Variants in ELOVL7 observed in about 807,000 individuals in gnomAD.
The protein encoded by ELOVL7 is very long chain fatty acid elongase 7.
Under a neutral mutation model 35.7 loss-of-function variants are expected in ELOVL7, and 27 were observed. The observed-to-expected ratio is 0.76, with a 90% CI of 0.56 to 1.04. The LOEUF (loss-of-function observed/expected upper bound fraction) is 1.04. ELOVL7 is among the 50% of genes least tolerant of loss of function. The probability of loss-of-function intolerance (pLI) is 0.00; values close to 1 mark genes in which losing one functional copy is unlikely to be tolerated. For missense variants in ELOVL7, 327 were observed against 340.8 expected (o/e 0.96, Z 0.32); for synonymous variants, 113 against 114.6 (o/e 0.99, Z 0.09).
intron 1 of ELOVL7, among the ~76,000 whole-genome samples, chr5:60,830,266 T>C (rs901375665): frequency 3.9e-5 from 6 of 152,214 alleles, no homozygotes; most frequent in Non-Finnish European, 8.8e-5. Flanking sequence ...GTTTACATTC[T>C]TGTGGGAAGA....
chr5:60,754,412 C>A lies in ELOVL7; in HGVS notation c.*212G>T. 1 of 532,292 alleles carries A rather than the reference C, an allele frequency of 1.9e-6. No homozygotes were observed. Among genetic ancestry groups the A allele is most frequent in the Non-Finnish European group, 3.3e-6 (1 of 301,626 alleles). The allele number at this position is 532,292 out of a possible 1,614,324, so 33.0% of individuals were successfully genotyped here. On this transcript the variant is annotated 3_prime_UTR_variant, in exon 9 of 9. Transcript: ENST00000508821. ...GCAGCTAAAAAAACAAAAACAAAAACAAAAACAAATTCTGGCTGCTGTAGG... is the reference window on the plus strand; with the variant it reads ...GCAGCTAAAAAAACAAAAACAAAAAAAAAAACAAATTCTGGCTGCTGTAGG...
intron 1 of ELOVL7, among the ~76,000 whole-genome samples, chr5:60,841,788 A>G (rs926646196): frequency 6.6e-5 from 10 of 152,316 alleles, no homozygotes; most frequent in Admixed American, 5.2e-4. Context: ...TTGTCAAGAT[A>G]AGGATAAATG....
intron 3 of ELOVL7, among the ~76,000 whole-genome samples, chr5:60,773,299 A>G (rs2112185853): frequency 6.6e-6 from 1 of 152,348 alleles, no homozygotes; most frequent in South Asian, 2.1e-4. Flanking sequence ...ACTTTTATCA[A>G]TTGGAAAAGA....
intron 5 of ELOVL7, among the ~76,000 whole-genome samples, 161 bp from the exon 6 acceptor site, chr5:60,766,791 T>C (rs529747415): frequency 3.2e-4 from 49 of 152,334 alleles, no homozygotes; most frequent in Middle Eastern, 3.4e-3. Flanking sequence ...TGTTCAACCA[T>C]TACCACCATC....
intron 8 of ELOVL7, among the ~76,000 whole-genome samples, chr5:60,756,702 G>T (rs1008733800): frequency 7.2e-5 from 11 of 151,990 alleles, no homozygotes; most frequent in African/African-American, 2.4e-4. Flanking sequence ...GAAGTTACAG[G>T]ATTTTAATAA....
chr5:60,843,277 G>A (rs889888909), intron 1 of ELOVL7: 5 of 152,178 alleles, frequency 3.3e-5, no homozygotes, highest in Admixed American at 3.3e-4. Context: ...GTTCCCCAGG[G>A]AGCTCCAAAG....
chr5:60,785,781 A>G (rs1196912960), intron 3 of ELOVL7: 1 of 152,218 alleles, frequency 6.6e-6, no homozygotes, highest in African/African-American at 2.4e-5. Context: ...GTCACTATGT[A>G]TCCCCTACCA....
chr5:60,777,104 TA>T (rs1189963933), intron 3 of ELOVL7, among the ~76,000 whole-genome samples: 3 of 118,104 alleles, frequency 2.5e-5, no homozygotes, highest in Non-Finnish European at 5.0e-5. Context: ...GGAAGGGTAC[TA>T]GGGGGGTTGG....
At chr5:60,821,568 T>C (rs1328809614) in intron 1 of ELOVL7, among the ~76,000 whole-genome samples, 3 of 152,218 alleles carry the variant, frequency 2.0e-5, no homozygotes, top group African/African-American at 7.2e-5. Flanking sequence ...TCTAACATGC[T>C]TTCTGTTCCC....
intron 3 of ELOVL7, among the ~76,000 whole-genome samples, chr5:60,781,691 T>C (rs1489718082): frequency 6.6e-6 from 1 of 152,226 alleles, no homozygotes; most frequent in Non-Finnish European, 1.5e-5. Context: ...TAATTGGATG[T>C]TATCTTCAAA....
chr5:60,790,946 G>A (rs1743901239), intron 2 of ELOVL7, among the ~76,000 whole-genome samples: 1 of 151,994 alleles, frequency 6.6e-6, no homozygotes, highest in East Asian at 1.9e-4. Flanking sequence ...TTTTGTTTTA[G>A]TTTTAGGGTG....
intron 4 of ELOVL7, 145 bp from the exon 5 acceptor site, chr5:60,768,048 A>G (rs1227497083): frequency 8.6e-6 from 5 of 581,440 alleles, no homozygotes; most frequent in Non-Finnish European, 1.6e-5. Flanking sequence ...CAAATACAAA[A>G]TGAACATGCT....
chr5:60,802,117 T>TATATATAC (rs1744677197), intron 1 of ELOVL7, among the ~76,000 whole-genome samples: 1 of 12,106 alleles, frequency 8.3e-5, no homozygotes, highest in Non-Finnish European at 2.3e-4. Context: ...TATATATATA[T>TATATATAC]ACACACACAC....
chr5:60,821,897 A>G (rs1745910223), intron 1 of ELOVL7, among the ~76,000 whole-genome samples: 1 of 152,244 alleles, frequency 6.6e-6, no homozygotes, highest in Non-Finnish European at 1.5e-5. Context: ...CATATTCACT[A>G]TGTGCAATAG....
At chr5:60,755,656 C>CAAAAAAAAAAAAAAAAAAAAAA (rs1042391610) in intron 8 of ELOVL7, among the ~76,000 whole-genome samples, 1 of 144,122 alleles carries the variant, frequency 6.9e-6, no homozygotes, top group Non-Finnish European at 1.5e-5. Context: ...GATTCCATCT[C>CAAAAAAAAAAAAAAAAAAAAAA]AAAAAAAAAA....
intron 1 of ELOVL7, among the ~76,000 whole-genome samples, chr5:60,828,890 T>C (rs966642422): frequency 1.3e-5 from 2 of 152,178 alleles, no homozygotes; most frequent in Non-Finnish European, 2.9e-5. Flanking sequence ...TTTAAAAATG[T>C]TCAGATTGAT....
intron 2 of ELOVL7, among the ~76,000 whole-genome samples, chr5:60,797,641 A>C (rs1167669589): frequency 1.3e-5 from 2 of 152,240 alleles, no homozygotes; most frequent in East Asian, 3.8e-4. Flanking sequence ...AGGAGGCAAG[A>C]GCAGGAGAGG....
Position 60,784,368 on chromosome 5 carries a change from A to AT in ELOVL7, c.64+2965dup, listed in dbSNP as rs1347032705. Among the ~76,000 whole-genome samples the AT allele has an allele frequency of 6.6e-5, 10 of 152,226 alleles. No individual in the cohort carries two copies. The East Asian group carries it at 1.9e-3, about 29-fold the overall frequency. On this transcript the variant is annotated intron_variant, in intron 3 of 8. Coordinates refer to ENST00000508821, the MANE Select transcript of ELOVL7 (RefSeq NM_024930.3). ...TCTAATCAAACGCAAGGAAAGCTGT[A>AT]TTTTAAACATTAAAAACTTTTTCAT... is the stretch of plus-strand genomic sequence containing the variant.
chr5:60,762,820 T>C (rs564438441), intron 7 of ELOVL7, among the ~76,000 whole-genome samples: 75 of 152,308 alleles, frequency 4.9e-4, no homozygotes, highest in African/African-American at 1.8e-3. Context: ...GGACATTTAA[T>C]ACATCTGAAT....
Sources: gnomAD v4.1 joint callset for allele counts (sites outside exome capture counted in the v4.1 genomes callset) on GRCh38, gnomAD v4.1.1 for gene constraint, MANE v1.5 for transcripts, NCBI Gene and HGNC (gene_info 2026-07-23, HGNC 2026-07-21) for gene names.